The following TINCR variants were observed in gnomAD, a reference collection of about 807,000 sequenced individuals.
The protein encoded by TINCR is TINCR ubiquitin domain containing, also known as TINCR-encoded ubiquitin-like protein.
chr19:5,567,712 G>A (rs1167674686), exon 1 of TINCR: 4 of 355,000 alleles, frequency 1.1e-5, no homozygotes, highest in African/African-American at 2.2e-5. Context: ...GCAGGCGCGC[G>A]TCGCGCACCG....
chr19:5,563,283 G>A lies in TINCR; in HGVS notation c.261-334C>T, dbSNP rs925334740. On this transcript the variant is annotated intron_variant, in intron 1 of 1. Transcript: ENST00000646160. This position sits in a 1 kb window ranked among gnomAD's most constrained non-coding sequence, Gnocchi z 4.7. Reference sequence around the variant, plus strand: ...ACAGGCGCCCTCTGGCACCTGCTACGGGGAGGACAGACTTGTAGGGGACAA... The same window carrying A: ...ACAGGCGCCCTCTGGCACCTGCTACAGGGAGGACAGACTTGTAGGGGACAA... Among the ~76,000 whole-genome samples, 15 of 151,992 alleles carry A rather than the reference G, an allele frequency of 9.9e-5. No individual in the cohort carries two copies. Among genetic ancestry groups the A allele is most frequent in the African/African-American group, 3.6e-4 (15 of 41,406 alleles).
chr19:5,559,135 T>C (rs1285889258), downstream of TINCR: 1 of 152,224 alleles, frequency 6.6e-6, no homozygotes, highest in Non-Finnish European at 1.5e-5. Context: ...TACTGTTTGT[T>C]AAATGTCAAA....
In TINCR at chr19:5,565,314, C is replaced by T. The variant is rs1397884206; in HGVS notation, c.260+2351G>A. On this transcript the variant is annotated intron_variant, in intron 1 of 1. Coordinates refer to ENST00000646160, the Ensembl canonical transcript of TINCR. This position sits in a 1 kb window ranked among gnomAD's most constrained non-coding sequence, Gnocchi z 4.0. ...TCCTCCACATCATAGCCTGACATGT[C>T]ACCTTTCCGGAGAGGCGTCCCCCAG... Among the ~76,000 whole-genome samples the T allele has an allele frequency of 6.6e-6, 1 of 152,204 alleles. No homozygotes were observed. Among genetic ancestry groups the T allele is most frequent in the Non-Finnish European group, 1.5e-5 (1 of 68,042 alleles).
intron 1 of TINCR, among the ~76,000 whole-genome samples, chr19:5,566,399 G>A (rs2052129202): frequency 6.6e-6 from 1 of 151,692 alleles, no homozygotes; most frequent in African/African-American, 2.4e-5. Context: ...AAAGAGCAGA[G>A]ACAGAAATGG....
intron 1 of TINCR, among the ~76,000 whole-genome samples, chr19:5,564,242 G>A (rs145561914): frequency 8.5e-5 from 13 of 152,274 alleles, no homozygotes; most frequent in East Asian, 1.9e-4. Context: ...CTAGGGTACC[G>A]TCTGCGCTGA....
In TINCR at chr19:5,565,930, C is replaced by T. The variant is rs1055919602; in HGVS notation, c.260+1735G>A. On this transcript the variant is annotated intron_variant, in intron 1 of 1. Transcript: ENST00000646160. The surrounding 1 kb of genome is among the most constrained non-coding windows in gnomAD (Gnocchi z 4.0). ...AGGCCCCACCATCTTCACCACCTCT[C>T]GGCCATCCTCGACCCATTTCCCAGA... is the stretch of plus-strand genomic sequence containing the variant. 6.6e-6 allele frequency among the ~76,000 whole-genome samples: 1 copy of T among 152,226 alleles called. No homozygotes were observed. Among genetic ancestry groups the T allele is most frequent in the African/African-American group, 2.4e-5 (1 of 41,464 alleles).
At chr19:5,559,782 G>A (rs1201192400), downstream of TINCR, 2 of 152,230 alleles carry the variant, frequency 1.3e-5, no homozygotes, top group African/African-American at 4.8e-5. Flanking sequence ...TATGCACAGG[G>A]AAATGAGGAC....
At chr19:5,566,545 GCA>G (rs1212302336) in intron 1 of TINCR, among the ~76,000 whole-genome samples, 4 of 149,170 alleles carry the variant, frequency 2.7e-5, no homozygotes, top group Non-Finnish European at 4.5e-5. Context: ...AGAGATGCGC[GCA>G]CACACAGACA....
intron 1 of TINCR, 103 bp downstream of exon 1, chr19:5,567,562 G>A (rs2052137531): frequency 2.7e-6 from 1 of 371,908 alleles, no homozygotes. Flanking sequence ...TGGGAAAGCA[G>A]TGCCGGCCCG....
intron 1 of TINCR, among the ~76,000 whole-genome samples, chr19:5,564,065 G>A (rs894067634): frequency 2.6e-5 from 4 of 152,158 alleles, no homozygotes; most frequent in African/African-American, 4.8e-5. Context: ...TCCCTGCAAC[G>A]CTGCTGCCTC....
rs765221983 is a variant in TINCR at position 5,565,986 on chromosome 19, G to T, written c.260+1679C>A. On this transcript the variant is annotated intron_variant, in intron 1 of 1. Transcript: ENST00000646160. This position sits in a 1 kb window ranked among gnomAD's most constrained non-coding sequence, Gnocchi z 4.0. ...CCCAGGCCGGCAGTGAGCTGTTCCC[G>T]TGGCCCCAGCGCCCTTCTCTGCAGA... Among the ~76,000 whole-genome samples, 16 of 152,192 alleles carry T rather than the reference G, an allele frequency of 1.1e-4. No individual in the cohort carries two copies. Among genetic ancestry groups the T allele is most frequent in the Non-Finnish European group, 1.6e-4 (11 of 68,034 alleles).
chr19:5,567,636 C>A, intron 1 of TINCR, 29 bp downstream of exon 1: 1 of 349,498 alleles, frequency 2.9e-6, no homozygotes, highest in South Asian at 1.4e-4. Context: ...GCCGCCCCCG[C>A]CCCACCCCAC....
chr19:5,564,514 GT>G (rs35974274), intron 1 of TINCR, among the ~76,000 whole-genome samples: 99,616 of 151,968 alleles, frequency 0.66, 32,895 homozygotes, highest in East Asian at 0.86. Flanking sequence ...TGTGTGTGTG[GT>G]CAGGGATGGG....
intron 1 of TINCR, among the ~76,000 whole-genome samples, chr19:5,567,328 AGAGG>A (rs2052135509): frequency 6.6e-6 from 1 of 151,942 alleles, no homozygotes; most frequent in Non-Finnish European, 1.5e-5. Flanking sequence ...GACAGAAAGA[AGAGG>A]GAGAGAGATG....
intron 1 of TINCR, among the ~76,000 whole-genome samples, 165 bp downstream of exon 1, chr19:5,567,500 C>A (rs1224401609): frequency 6.6e-6 from 1 of 152,254 alleles, no homozygotes; most frequent in Non-Finnish European, 1.5e-5. Context: ...GAAAGCAAGA[C>A]CTGACACCGG....
intron 1 of TINCR, 138 bp downstream of exon 1, chr19:5,567,527 G>C (rs967882987): frequency 2.7e-6 from 1 of 366,550 alleles, no homozygotes; most frequent in African/African-American, 2.1e-5. Flanking sequence ...CGGGTCAGGA[G>C]AGAGGCCGGG....
At position 5,565,333 on chromosome 19, in the gene TINCR, C is replaced by G. The variant is rs1021948199; in HGVS notation, c.260+2332G>C. ...ACATGTCACCTTTCCGGAGAGGCGT[C>G]CCCCAGTCACTGATCCCTCTCCACC... On this transcript the variant is annotated intron_variant, in intron 1 of 1. Transcript: ENST00000646160. The surrounding 1 kb of genome is among the most constrained non-coding windows in gnomAD (Gnocchi z 4.0). Among the ~76,000 whole-genome samples, 4 of 152,322 alleles carry G rather than the reference C, an allele frequency of 2.6e-5. No homozygotes were observed. Among genetic ancestry groups the G allele is most frequent in the Admixed American group, 2.6e-4 (4 of 15,304 alleles).
At chr19:5,567,629 G>T (rs374313587) in intron 1 of TINCR, 36 bp downstream of exon 1, 5,070 of 182,346 alleles carry the variant, frequency 0.028, 62 homozygotes, top group Non-Finnish European at 0.037. Flanking sequence ...CCCGGCCGCC[G>T]CCCCCGCCCC....
downstream of TINCR, chr19:5,558,459 G>A (rs533339705): frequency 6.6e-6 from 1 of 152,466 alleles, no homozygotes; most frequent in Admixed American, 6.5e-5. Flanking sequence ...AAAGAAGGTG[G>A]GACATGCAAA....
Sources: allele counts gnomAD v4.1 joint callset (sites outside exome capture counted in the v4.1 genomes callset), GRCh38; gene constraint gnomAD v4.1.1; non-coding constraint Gnocchi (gnomAD v3.1); transcripts MANE v1.5; gene names NCBI Gene and HGNC (gene_info 2026-07-23, HGNC 2026-07-21).